The following CCNY variants were observed in gnomAD, a reference collection of about 807,000 sequenced individuals.
CCNY encodes cyclin-Y.
CCNY carries 19 observed loss-of-function variants against 42.8 expected under a neutral mutation model. The observed-to-expected ratio is 0.44, with a 90% CI of 0.31 to 0.65. CCNY has a LOEUF of 0.65. Ranked by LOEUF, CCNY falls within the 30% of genes least tolerant of loss-of-function variation. The pLI is 0.07. For missense variants in CCNY, 370 were observed against 437.3 expected (o/e 0.85, Z 1.37); for synonymous variants, 165 against 162.7 (o/e 1.01, Z -0.11).
intron 3 of CCNY, among the ~76,000 whole-genome samples, chr10:35,275,986 C>T (rs1835234922): frequency 6.6e-6 from 1 of 152,202 alleles, no homozygotes; most frequent in Admixed American, 6.5e-5. Flanking sequence ...TCCCCTTTCA[C>T]CTAGGCATGG....
At chr10:35,482,140 C>T (rs1398530816) in intron 1 of CCNY, among the ~76,000 whole-genome samples, 1 of 152,202 alleles carries the variant, frequency 6.6e-6, no homozygotes, top group Non-Finnish European at 1.5e-5. Flanking sequence ...CAGAAGTTTG[C>T]TCAGGATAAA....
intron 1 of CCNY, among the ~76,000 whole-genome samples, chr10:35,396,647 C>G (rs1049454472): frequency 3.3e-5 from 5 of 152,230 alleles, no homozygotes; most frequent in African/African-American, 1.2e-4. Flanking sequence ...TGAGGAGGTC[C>G]AGACAGTTTC....
chr10:35,410,214 C>T (rs187905337), intron 1 of CCNY, among the ~76,000 whole-genome samples: 4 of 151,940 alleles, frequency 2.6e-5, no homozygotes, highest in African/African-American at 9.7e-5. Context: ...ATGCTAAAGA[C>T]AAAACAAAAG....
chr10:35,338,418 G>A (rs1322699442), intron 1 of CCNY, among the ~76,000 whole-genome samples: 2 of 152,126 alleles, frequency 1.3e-5, no homozygotes, highest in Non-Finnish European at 2.9e-5. Context: ...GTAAATTATG[G>A]TTCCATATGA....
chr10:35,360,317 C>G (rs1205614898), intron 1 of CCNY, among the ~76,000 whole-genome samples: 1 of 135,484 alleles, frequency 7.4e-6, no homozygotes, highest in Non-Finnish European at 1.5e-5. Flanking sequence ...GATAGAGTCT[C>G]ACTCTGTCAC....
chr10:35,402,671 T>G (rs1277789910), intron 1 of CCNY, among the ~76,000 whole-genome samples: 1 of 151,772 alleles, frequency 6.6e-6, no homozygotes, highest in Non-Finnish European at 1.5e-5. Context: ...TGGGGAGAGG[T>G]AGAGGGTGGC....
intron 3 of CCNY, among the ~76,000 whole-genome samples, chr10:35,326,406 C>T (rs1353536245): frequency 3.3e-5 from 5 of 152,090 alleles, no homozygotes; most frequent in African/African-American, 9.7e-5. Flanking sequence ...AAGGATGGAA[C>T]CGAAGTGACT....
chr10:35,493,415 G>T (rs1839942060), intron 2 of CCNY, among the ~76,000 whole-genome samples: 1 of 152,192 alleles, frequency 6.6e-6, no homozygotes, highest in Non-Finnish European at 1.5e-5. Flanking sequence ...TAAAAACTCT[G>T]AGCACCTGCA....
chr10:35,347,936 A>G (rs534158637), intron 1 of CCNY, among the ~76,000 whole-genome samples: 1 of 152,226 alleles, frequency 6.6e-6, no homozygotes, highest in Non-Finnish European at 1.5e-5. Context: ...CGGAGGAGAA[A>G]GAAGTCATGG....
At chr10:35,391,994 A>C (rs1837424587) in intron 1 of CCNY, among the ~76,000 whole-genome samples, 1 of 152,060 alleles carries the variant, frequency 6.6e-6, no homozygotes. Flanking sequence ...TATTCCTATA[A>C]CATTTATTAT....
At chr10:35,314,085 A>G (rs968125797) in intron 3 of CCNY, among the ~76,000 whole-genome samples, 8 of 152,178 alleles carry the variant, frequency 5.3e-5, no homozygotes, top group Non-Finnish European at 1.0e-4. Context: ...AAAACTGGAA[A>G]GATAAACAGA....
intron 1 of CCNY, among the ~76,000 whole-genome samples, chr10:35,471,330 T>G (rs542796974): frequency 3.3e-5 from 5 of 152,308 alleles, no homozygotes; most frequent in Admixed American, 3.3e-4. Context: ...CAGTGCTGTT[T>G]AGGTCTTACT....
intron 9 of CCNY, among the ~76,000 whole-genome samples, chr10:35,566,504 G>T (rs1483579455): frequency 6.6e-6 from 1 of 152,114 alleles, no homozygotes; most frequent in African/African-American, 2.4e-5. Flanking sequence ...ACCACACCCG[G>T]TTGATTTTTT....
intron 1 of CCNY, among the ~76,000 whole-genome samples, chr10:35,475,317 A>C (rs1035047731): frequency 6.6e-6 from 1 of 152,160 alleles, no homozygotes; most frequent in African/African-American, 2.4e-5. Flanking sequence ...GAGAAGAGCA[A>C]CTCCAAGACA....
At chr10:35,378,960 G>T (rs1262736184) in intron 1 of CCNY, among the ~76,000 whole-genome samples, 1 of 152,184 alleles carries the variant, frequency 6.6e-6, no homozygotes, top group Non-Finnish European at 1.5e-5. Context: ...CTCATGGCCA[G>T]AGTCAAGGGA....
chr10:35,428,407 A>G (rs1268312898), intron 1 of CCNY, among the ~76,000 whole-genome samples: 1 of 152,248 alleles, frequency 6.6e-6, no homozygotes. Flanking sequence ...TGTTGTTGCC[A>G]TCCAGGAACT....
intron 1 of CCNY, among the ~76,000 whole-genome samples, chr10:35,410,557 G>C (rs1023623695): frequency 6.6e-6 from 1 of 152,234 alleles, no homozygotes; most frequent in Non-Finnish European, 1.5e-5. Flanking sequence ...AAGAGTTTCT[G>C]TGCACTGTGG....
At chr10:35,355,678 CAAAAAAAAA>C (rs60257114) in intron 1 of CCNY, among the ~76,000 whole-genome samples, 17 of 57,424 alleles carry the variant, frequency 3.0e-4, no homozygotes, top group South Asian at 2.0e-3. Context: ...ATACTGTCTC[CAAAAAAAAA>C]AAAAAAAAAA....
chr10:35,488,640 T>G (rs1052578112), intron 2 of CCNY, among the ~76,000 whole-genome samples: 5 of 152,212 alleles, frequency 3.3e-5, no homozygotes, highest in Non-Finnish European at 7.4e-5. Flanking sequence ...TGGAAAACAA[T>G]TTTGAAAAAC....
Sources: gnomAD v4.1 joint callset for allele counts (sites outside exome capture counted in the v4.1 genomes callset) on GRCh38, gnomAD v4.1.1 for gene constraint, MANE v1.5 for transcripts, NCBI Gene and HGNC (gene_info 2026-07-23, HGNC 2026-07-21) for gene names.